Variants in PCBP3 observed in about 807,000 individuals in gnomAD.
PCBP3 encodes the protein poly(rC)-binding protein 3.
Under a neutral mutation model 52.7 loss-of-function variants are expected in PCBP3, and 25 were observed. The observed-to-expected ratio is 0.47, with a 90% CI of 0.35 to 0.66. The LOEUF (loss-of-function observed/expected upper bound fraction) is 0.66, where lower values mean the gene tolerates loss of function less well. Among genes scored for constraint, PCBP3 ranks in the 30% least tolerant of loss-of-function variants. The pLI, the probability that PCBP3 is intolerant of heterozygous loss-of-function variation, is 0.01. For synonymous variants in PCBP3, 162 were observed against 183.0 expected, an observed-to-expected ratio of 0.89 and a Z score of 0.93; for missense variants, 391 against 490.3, an observed-to-expected ratio of 0.80 and a Z score of 1.91.
intron 17 of PCBP3, 114 bp from the exon 18 acceptor site, chr21:45,941,556 C>T (rs1450993693): frequency 1.5e-5 from 13 of 889,802 alleles, no homozygotes; most frequent in Admixed American, 7.0e-5. Context: ...CTGAGCTGAC[C>T]GGGATGGCCT....
intron 1 of PCBP3, among the ~76,000 whole-genome samples, chr21:45,646,105 C>CTGTGTGTGTGTGTGTGTGTGTG (rs1342511407): frequency 4.3e-5 from 4 of 92,906 alleles, no homozygotes; most frequent in Admixed American, 3.7e-4. Context: ...CTCTCTCTCT[C>CTGTGTGTGTGTGTGTGTGTGTG]TCTGTGTGTG....
chr21:45,931,691 G>C (rs7281387), intron 15 of PCBP3, among the ~76,000 whole-genome samples: 213 of 129,656 alleles, frequency 1.6e-3, no homozygotes, highest in African/African-American at 6.4e-3. Flanking sequence ...GAACAAACAC[G>C]TCGGCCATGC....
At chr21:45,708,014 A>G (rs931503179) in intron 2 of PCBP3, among the ~76,000 whole-genome samples, 3 of 152,240 alleles carry the variant, frequency 2.0e-5, no homozygotes, top group Non-Finnish European at 4.4e-5. Flanking sequence ...AGGTATCTTC[A>G]GTGGCAAAGC....
chr21:45,731,550 C>T (rs1356851667), intron 2 of PCBP3, among the ~76,000 whole-genome samples: 1 of 152,198 alleles, frequency 6.6e-6, no homozygotes, highest in Non-Finnish European at 1.5e-5. Context: ...TTTGTTTCAC[C>T]AGCACTGGGC....
chr21:45,919,288 C>T (rs1481003952), intron 13 of PCBP3: 1 of 152,254 alleles, frequency 6.6e-6, no homozygotes, highest in Non-Finnish European at 1.5e-5. Context: ...GTGTGCTGCT[C>T]CCTCTGAACT....
chr21:45,644,031 C>T (rs997859626), intron 1 of PCBP3, among the ~76,000 whole-genome samples, 163 bp downstream of exon 1: 3 of 149,586 alleles, frequency 2.0e-5, no homozygotes, highest in African/African-American at 7.3e-5. Flanking sequence ...CGTCCCCGAC[C>T]GCCGCCGGCG....
chr21:45,843,289 C>T (rs935760830), intron 4 of PCBP3, among the ~76,000 whole-genome samples: 1 of 152,176 alleles, frequency 6.6e-6, no homozygotes, highest in Admixed American at 6.5e-5. Flanking sequence ...GACTACTATC[C>T]CCTGTGCCTT....
At chr21:45,712,244 C>T (rs2148165393) in intron 2 of PCBP3, among the ~76,000 whole-genome samples, 1 of 152,242 alleles carries the variant, frequency 6.6e-6, no homozygotes, top group Middle Eastern at 3.4e-3. Context: ...TATAAGTTTT[C>T]AATTCATTTG....
chr21:45,787,827 TA>T (rs1237509753), intron 4 of PCBP3, among the ~76,000 whole-genome samples: 7 of 152,240 alleles, frequency 4.6e-5, no homozygotes, highest in African/African-American at 1.7e-4. Context: ...ACCAGATTTT[TA>T]AAAAGGTATT....
At chr21:45,658,895 G>A (rs997183007) in intron 1 of PCBP3, among the ~76,000 whole-genome samples, 24 of 151,616 alleles carry the variant, frequency 1.6e-4, no homozygotes, top group African/African-American at 5.6e-4. Flanking sequence ...GATAGTTTCT[G>A]TCTTTCTAGG....
rs963107074 is a variant in PCBP3 at position 45,737,208 on chromosome 21, G to A, written c.-162+1779G>A. Reference sequence around the variant, plus strand: ...CTGCTCTCAGTCCACGTGGCGTCGGGGCTGAGAGGAGCCCACAGCAGGGTG... The same window carrying A: ...CTGCTCTCAGTCCACGTGGCGTCGGAGCTGAGAGGAGCCCACAGCAGGGTG... On this transcript the variant is annotated intron_variant, in intron 3 of 17. Transcript: ENST00000681687. This position sits in a 1 kb window ranked among gnomAD's most constrained non-coding sequence, Gnocchi z 4.9. 3.3e-5 allele frequency among the ~76,000 whole-genome samples: 5 copies of A among 152,138 alleles called. No individual in the cohort carries two copies. Among genetic ancestry groups the A allele is most frequent in the Non-Finnish European group, 7.4e-5 (5 of 68,020 alleles).
chr21:45,892,511 C>T (rs1465431245), intron 5 of PCBP3, among the ~76,000 whole-genome samples: 6 of 68,954 alleles, frequency 8.7e-5, no homozygotes, highest in African/African-American at 4.3e-4. Context: ...GCGTGGAGGG[C>T]GCAGTCCCGT....
At chr21:45,878,918 G>A (rs760403696) in intron 5 of PCBP3, among the ~76,000 whole-genome samples, 2 of 152,206 alleles carry the variant, frequency 1.3e-5, no homozygotes, top group Non-Finnish European at 2.9e-5. Context: ...TGCTCCAGGA[G>A]GAAGGGTGAG....
intron 2 of PCBP3, among the ~76,000 whole-genome samples, chr21:45,677,040 T>C (rs956278008): frequency 1.3e-5 from 2 of 152,156 alleles, no homozygotes; most frequent in African/African-American, 4.8e-5. Flanking sequence ...CCCAAAGTGC[T>C]GCGTTAGCCA....
At chr21:45,778,989 G>A (rs1032842131) in intron 4 of PCBP3, among the ~76,000 whole-genome samples, 12 of 152,186 alleles carry the variant, frequency 7.9e-5, no homozygotes, top group Non-Finnish European at 1.8e-4. Flanking sequence ...GTCCCCACAG[G>A]GCTTGCCCCC....
chr21:45,746,175 C>T (rs1466771254), intron 3 of PCBP3, among the ~76,000 whole-genome samples: 6 of 137,518 alleles, frequency 4.4e-5, no homozygotes, highest in Admixed American at 3.6e-4. Flanking sequence ...TAGCGCCACA[C>T]GGTGTTGTCA....
intron 1 of PCBP3, among the ~76,000 whole-genome samples, chr21:45,664,635 C>CT (rs2080659901): frequency 6.8e-6 from 1 of 147,356 alleles, no homozygotes; most frequent in Non-Finnish European, 1.5e-5. Flanking sequence ...TTTTATTATA[C>CT]TTTAAGTTTT....
Position 45,656,877 on chromosome 21 carries a change from A to G in PCBP3, c.-278-11997A>G, listed in dbSNP as rs894465747. The stretch of plus-strand genomic sequence containing the variant: ...TGCTCTGTCGCCTAGGCTAGAGTGC[A>G]GTGGCGCAACCTCGGCTCACTGCAA... On this transcript the variant is annotated intron_variant, in intron 1 of 17. Transcript: ENST00000681687. This position sits in a 1 kb window ranked among gnomAD's most constrained non-coding sequence, Gnocchi z 4.3. Among the ~76,000 whole-genome samples, 2 of 152,068 alleles carry G rather than the reference A, an allele frequency of 1.3e-5. No homozygotes were observed. Among genetic ancestry groups the G allele is most frequent in the Non-Finnish European group, 2.9e-5 (2 of 68,014 alleles).
rs1386145915 is a variant in PCBP3 at position 45,746,205 on chromosome 21, T to C, written c.-161-9212T>C. On this transcript the variant is annotated intron_variant, in intron 3 of 17. Coordinates refer to ENST00000681687, the MANE Select transcript of PCBP3 (RefSeq NM_001384156.1). Reference sequence around the variant, plus strand: ...TTGTCAGCATCACCGTGTCAGTCCATTGACGTAGCGCACACGGTGTTGTCA... The same window carrying C: ...TTGTCAGCATCACCGTGTCAGTCCACTGACGTAGCGCACACGGTGTTGTCA... Among the ~76,000 whole-genome samples, 23 of 126,860 alleles carry C rather than the reference T, an allele frequency of 1.8e-4. 1 individual carries two copies. Among genetic ancestry groups the C allele is most frequent in the African/African-American group, 7.4e-4 (21 of 28,366 alleles). The allele number at this position is 126,860 out of a possible 152,430, so 83.2% of individuals were successfully genotyped here.
Sources: allele counts gnomAD v4.1 joint callset (sites outside exome capture counted in the v4.1 genomes callset), GRCh38; gene constraint gnomAD v4.1.1; non-coding constraint Gnocchi (gnomAD v3.1); transcripts MANE v1.5; gene names NCBI Gene and HGNC (gene_info 2026-07-23, HGNC 2026-07-21).